The following DHX29 variants were observed in gnomAD, a reference collection of about 807,000 sequenced individuals.
DHX29 encodes ATP-dependent RNA helicase DHX29.
In DHX29, 79 loss-of-function variants were observed where a neutral mutation model predicts 167.9. The ratio of observed to expected loss-of-function variants is 0.47; its 90% CI spans 0.39 to 0.57. DHX29 has a LOEUF of 0.57. Ranked by LOEUF, DHX29 falls within the 20% of genes least tolerant of loss-of-function variation. The probability of loss-of-function intolerance (pLI) is 0.00; values close to 1 mark genes in which losing one functional copy is unlikely to be tolerated. For missense variants in DHX29, 1,347 were observed against 1,593.4 expected (o/e 0.85, Z 2.63); for synonymous variants, 530 against 546.0 (o/e 0.97, Z 0.41).
chr5:55,287,038 C>T (rs1013988520), intron 8 of DHX29, among the ~76,000 whole-genome samples: 13 of 152,312 alleles, frequency 8.5e-5, no homozygotes, highest in Middle Eastern at 3.4e-3. Flanking sequence ...TTTGATAGTA[C>T]ACATCATAAT....
chr5:55,297,525 T>A, intron 2 of DHX29, 127 bp from the exon 3 acceptor site: 1 of 603,944 alleles, frequency 1.7e-6, no homozygotes, highest in East Asian at 3.0e-5. Flanking sequence ...ATACAGTAAT[T>A]ATCATTTTTT....
intron 23 of DHX29, among the ~76,000 whole-genome samples, chr5:55,266,310 G>GTTTTTT (rs70992715): frequency 8.1e-6 from 1 of 123,072 alleles, no homozygotes; most frequent in Non-Finnish European, 1.8e-5. Context: ...TGTTGTTTTT[G>GTTTTTT]TTTTTTTTTT....
chr5:55,294,863 T>A (rs371565069), intron 5 of DHX29: 1 of 153,494 alleles, frequency 6.5e-6, no homozygotes, highest in Non-Finnish European at 1.5e-5. Flanking sequence ...TCATGTGACT[T>A]ACTTCAGTCA....
intron 12 of DHX29, among the ~76,000 whole-genome samples, chr5:55,280,972 T>C (rs1747370390): frequency 1.3e-5 from 2 of 152,024 alleles, no homozygotes; most frequent in South Asian, 4.2e-4. Context: ...CACAAAGACC[T>C]GACTCCCCAA....
rs1746958240 is a variant in DHX29, at chr5:55,273,637, G to A, written c.2691-260C>T. 2.0e-5 allele frequency among the ~76,000 whole-genome samples: 3 copies of A among 152,114 alleles called. No individual in the cohort carries two copies. In the East Asian group the frequency reaches 5.8e-4, roughly 29 times the overall value. On this transcript the variant is annotated intron_variant, in intron 16 of 26. Transcript: ENST00000251636. ...GAAGTGGTTTATATGGTTTACTACA[G>A]TAGTAATAAACTCTATCAAAACATA...
At chr5:55,275,161 C>G in intron 14 of DHX29, 151 bp from the exon 15 acceptor site, 2 of 883,964 alleles carry the variant, frequency 2.3e-6, no homozygotes, top group South Asian at 1.7e-5. Context: ...GAAGCGTATA[C>G]TTTTTAATAG....
intron 23 of DHX29, among the ~76,000 whole-genome samples, chr5:55,265,670 T>TA (rs11362570): frequency 0.77 from 110,642 of 143,416 alleles, 43,899 homozygotes; most frequent in Non-Finnish European, 0.88. Flanking sequence ...GAACTAGCTG[T>TA]AAAAAAAAAA....
At chr5:55,298,218 G>A (rs1748417307) in intron 2 of DHX29, among the ~76,000 whole-genome samples, 1 of 152,118 alleles carries the variant, frequency 6.6e-6, no homozygotes, top group Admixed American at 6.5e-5. Context: ...GAGTACATGG[G>A]TAAAAGCTAG....
Position 55,289,290 on chromosome 5 carries a change from G to A in DHX29, c.1046C>T (p.Ala349Val), listed in dbSNP as rs201101202. 41 of 1,573,614 alleles carry A rather than the reference G, an allele frequency of 2.6e-5. No homozygotes were observed. The East Asian group carries it at 6.9e-4, about 26-fold the overall frequency. ...TTTACCTTTCTCTTCTTCAGTAGCAGCTGCAGATTTTTCAAATAAATTAAA... is the reference window on the plus strand; with the variant it reads ...TTTACCTTTCTCTTCTTCAGTAGCAACTGCAGATTTTTCAAATAAATTAAA... ...LNFNLFEKSA[A>V]ATEEEKDKKK... The change falls in exon 8 of 27, where the codon GCT becomes GTT. Residue 349 changes from alanine to valine, a missense_variant. Transcript: ENST00000251636.
At chr5:55,287,938 G>GAA (rs1247600043) in intron 8 of DHX29, among the ~76,000 whole-genome samples, 3 of 81,716 alleles carry the variant, frequency 3.7e-5, no homozygotes, top group Non-Finnish European at 5.2e-5. Context: ...TGGAAAAAAA[G>GAA]AAAAAAAAAA....
chr5:55,266,548 A>G (rs1245927935), intron 23 of DHX29, among the ~76,000 whole-genome samples: 4 of 138,126 alleles, frequency 2.9e-5, no homozygotes, highest in Non-Finnish European at 6.3e-5. Flanking sequence ...ACCTCAGGTG[A>G]TTTTTTTTTT....
chr5:55,302,329 G>C (rs1748645660), intron 1 of DHX29, among the ~76,000 whole-genome samples: 1 of 152,166 alleles, frequency 6.6e-6, no homozygotes, highest in Non-Finnish European at 1.5e-5. Context: ...GTTACAGATA[G>C]ATGAGCAGTA....
intron 1 of DHX29, among the ~76,000 whole-genome samples, chr5:55,304,110 C>G (rs539000084): frequency 3.5e-4 from 53 of 151,738 alleles, no homozygotes; most frequent in Non-Finnish European, 7.4e-4. Context: ...ACTTCTAAAG[C>G]ACAGGAATGG....
rs1294830240 is a variant in DHX29 at position 55,270,260 on chromosome 5, T to A, written c.3069+152A>T. The A allele has an allele frequency of 1.8e-5, 16 of 881,452 alleles. No individual in the cohort carries two copies. In the East Asian group the frequency reaches 4.4e-4, roughly 24 times the overall value. The allele number at this position is 881,452 out of a possible 1,614,324, so 54.6% of individuals were successfully genotyped here. The stretch of plus-strand genomic sequence containing the variant: ...TCTGGCAAAATCAAAACACAGTGGA[T>A]TTACTTATAATAAGATGGATAAGGG... On this transcript the variant is annotated intron_variant, in intron 20 of 26. Transcript: ENST00000251636.
At chr5:55,271,910 T>C (rs917012593) in intron 18 of DHX29, among the ~76,000 whole-genome samples, 177 bp downstream of exon 18, 5 of 152,200 alleles carry the variant, frequency 3.3e-5, no homozygotes, top group Admixed American at 2.6e-4. Context: ...AATGAAATTC[T>C]GACATTTACT....
chr5:55,270,902 G>A (rs1271331950), intron 18 of DHX29, among the ~76,000 whole-genome samples, 196 bp from the exon 19 acceptor site: 1 of 152,052 alleles, frequency 6.6e-6, no homozygotes, highest in Non-Finnish European at 1.5e-5. Context: ...CAAATTAAAA[G>A]TCTGGCAAAA....
intron 3 of DHX29, 98 bp downstream of exon 3, chr5:55,297,187 A>G: frequency 1.6e-6 from 1 of 634,204 alleles, no homozygotes; most frequent in Admixed American, 2.9e-5. Context: ...TCTACATAAA[A>G]TCTCAATGGA....
At position 55,285,854 on chromosome 5, in the gene DHX29, C is replaced by T; in HGVS notation, c.1074G>A (p.Lys358=). Residue 358 remains lysine (K), a synonymous_variant, in exon 9 of 27, where the codon AAG becomes AAA. Coordinates refer to ENST00000251636, the MANE Select transcript of DHX29 (RefSeq NM_019030.4). ...AAATEEEKDK[K]KEPHDVRNFD... is the part of the protein sequence containing the mutation. ...AATTTCTTACATCATGAGGTTCTTT[C>T]TTTTTATCTAAAATGGTAAACAAAG... is the stretch of plus-strand genomic sequence containing the variant. The T allele has an allele frequency of 6.4e-7, 1 of 1,553,730 alleles. No individual in the cohort carries two copies. The highest frequency in any genetic ancestry group is 8.7e-7 in the Non-Finnish European group (1 of 1,144,646).
chr5:55,292,556 G>C (rs755877581), intron 6 of DHX29, among the ~76,000 whole-genome samples: 1 of 151,976 alleles, frequency 6.6e-6, no homozygotes, highest in Non-Finnish European at 1.5e-5. Context: ...AAAAATTCTT[G>C]TCAGTTACCT....
Sources: gnomAD v4.1 joint callset for allele counts (sites outside exome capture counted in the v4.1 genomes callset) on GRCh38, gnomAD v4.1.1 for gene constraint, MANE v1.5 for transcripts, NCBI Gene and HGNC (gene_info 2026-07-23, HGNC 2026-07-21) for gene names.